Variants in LRRC1 observed in about 807,000 individuals in gnomAD.
The protein encoded by LRRC1 is leucine-rich repeat-containing protein 1.
LRRC1 carries 28 observed loss-of-function variants against 69.9 expected under a neutral mutation model. That is an observed-to-expected ratio of 0.40 (90% confidence interval 0.30 to 0.55). The LOEUF is 0.55. LRRC1 is among the 20% of genes least tolerant of loss of function. The pLI is 0.47. For missense variants in LRRC1, 498 were observed against 609.0 expected (o/e 0.82, Z 1.92); for synonymous variants, 236 against 240.2 (o/e 0.98, Z 0.16).
At chr6:53,919,229 C>CTTTTTTTTT (rs879406589) in intron 11 of LRRC1, 2 of 72,270 alleles carry the variant, frequency 2.8e-5, no homozygotes, top group African/African-American at 1.1e-4. Context: ...TTTTCTCTCT[C>CTTTTTTTTT]TTTTTTTTTT....
chr6:53,865,882 C>T (rs552862922), intron 2 of LRRC1, among the ~76,000 whole-genome samples: 1 of 151,790 alleles, frequency 6.6e-6, no homozygotes, highest in South Asian at 2.1e-4. Context: ...CCACCATGCC[C>T]AGCTAATTTT....
intron 1 of LRRC1, among the ~76,000 whole-genome samples, chr6:53,801,339 T>C (rs1323258957): frequency 1.3e-5 from 2 of 152,278 alleles, no homozygotes; most frequent in Admixed American, 1.3e-4. Context: ...CTTTCTTTTA[T>C]GTGTTTTTAC....
chr6:53,880,307 T>C (rs1235630570), intron 3 of LRRC1, among the ~76,000 whole-genome samples: 1 of 152,156 alleles, frequency 6.6e-6, no homozygotes, highest in Admixed American at 6.5e-5. Flanking sequence ...CCTAATAGCT[T>C]TCTTACTTAT....
intron 10 of LRRC1, among the ~76,000 whole-genome samples, chr6:53,909,504 A>T (rs576423283): frequency 2.1e-4 from 32 of 152,058 alleles, no homozygotes; most frequent in Non-Finnish European, 3.5e-4. Flanking sequence ...GTTAATACTG[A>T]TTATCCCTTT....
At chr6:53,879,917 C>T (rs1054399611) in intron 3 of LRRC1, among the ~76,000 whole-genome samples, 1 of 152,214 alleles carries the variant, frequency 6.6e-6, no homozygotes, top group Non-Finnish European at 1.5e-5. Context: ...ACGTGCAATG[C>T]AGAGATAGCC....
At chr6:53,854,637 G>A (rs1766252054) in intron 2 of LRRC1, among the ~76,000 whole-genome samples, 1 of 151,958 alleles carries the variant, frequency 6.6e-6, no homozygotes, top group African/African-American at 2.4e-5. Context: ...GTAGTGAATT[G>A]GTATTTTGTC....
At chr6:53,895,297 G>T (rs1369373318) in intron 4 of LRRC1, among the ~76,000 whole-genome samples, 1 of 152,218 alleles carries the variant, frequency 6.6e-6, no homozygotes, top group Admixed American at 6.5e-5. Context: ...TGTAAAATTG[G>T]AGAAGGAGAT....
Position 53,920,727 on chromosome 6 carries a change from TGGA to T in LRRC1, c.1386_1388del (p.Glu462del), listed in dbSNP as rs1483141037. On this transcript the variant is annotated inframe_deletion, in exon 13 of 14. Transcript: ENST00000370888. ...AACAGAGTCAGTGCGATCCGATTTGTGGAGGATGAGAAAGATGAAGAAGACAAT... is the reference window on the plus strand; with the variant it reads ...AACAGAGTCAGTGCGATCCGATTTGTGGATGAGAAAGATGAAGAAGACAAT... 4 of 1,614,064 alleles carry T rather than the reference TGGA, an allele frequency of 2.5e-6. No homozygotes were observed. The African/African-American group carries it at 5.3e-5, about 22-fold the overall frequency.
chr6:53,795,464 C>T, intron 1 of LRRC1, 49 bp downstream of exon 1: 1 of 1,557,224 alleles, frequency 6.4e-7, no homozygotes, highest in Admixed American at 1.9e-5. Flanking sequence ...TCTGCTGTCC[C>T]TTCCGCTCCC....
At chr6:53,862,006 G>A (rs1275949904) in intron 2 of LRRC1, among the ~76,000 whole-genome samples, 1 of 152,134 alleles carries the variant, frequency 6.6e-6, no homozygotes, top group African/African-American at 2.4e-5. Context: ...GCTGTTCAGG[G>A]GAGGAAAAGA....
chr6:53,870,000 G>A (rs1211050787), intron 2 of LRRC1, among the ~76,000 whole-genome samples: 9 of 152,204 alleles, frequency 5.9e-5, no homozygotes, highest in Admixed American at 5.9e-4. Flanking sequence ...TAAGGACATG[G>A]ATGTGATGGA....
intron 2 of LRRC1, among the ~76,000 whole-genome samples, chr6:53,859,075 T>G (rs1766411811): frequency 6.6e-6 from 1 of 152,198 alleles, no homozygotes; most frequent in Non-Finnish European, 1.5e-5. Flanking sequence ...AGGAAGATTC[T>G]TGGCTAAGAG....
chr6:53,870,367 C>T (rs1766842617), intron 2 of LRRC1, among the ~76,000 whole-genome samples: 2 of 152,078 alleles, frequency 1.3e-5, no homozygotes, highest in South Asian at 4.2e-4. Flanking sequence ...TTTTGTTTTT[C>T]GTTGATAGAG....
intron 2 of LRRC1, among the ~76,000 whole-genome samples, chr6:53,868,347 G>T (rs535922728): frequency 2.3e-4 from 35 of 151,600 alleles, no homozygotes; most frequent in African/African-American, 8.5e-4. Context: ...TCAGCTTCCC[G>T]AGAAGTAGCT....
intron 2 of LRRC1, among the ~76,000 whole-genome samples, chr6:53,877,921 G>A (rs1048637830): frequency 3.9e-5 from 6 of 152,074 alleles, no homozygotes; most frequent in South Asian, 2.1e-4. Flanking sequence ...CACTCTACTG[G>A]TACCAGTTTA....
intron 9 of LRRC1, among the ~76,000 whole-genome samples, chr6:53,903,750 A>G (rs896699844): frequency 6.6e-6 from 1 of 152,140 alleles, no homozygotes; most frequent in Non-Finnish European, 1.5e-5. Flanking sequence ...GTGTGGTGGG[A>G]GTTACCAAAT....
intron 10 of LRRC1, 113 bp downstream of exon 10, chr6:53,904,575 G>A: frequency 1.5e-6 from 1 of 660,650 alleles, no homozygotes; most frequent in Non-Finnish European, 2.5e-6. Context: ...TTTTTTAAAG[G>A]TGTGAACTCT....
At chr6:53,883,676 A>G (rs1341551196) in intron 4 of LRRC1, among the ~76,000 whole-genome samples, 1 of 152,256 alleles carries the variant, frequency 6.6e-6, no homozygotes, top group Non-Finnish European at 1.5e-5. Flanking sequence ...AGGTTAAATC[A>G]GGTTGATGCA....
At chr6:53,892,454 C>G (rs1431859940) in intron 4 of LRRC1, among the ~76,000 whole-genome samples, 2 of 152,186 alleles carry the variant, frequency 1.3e-5, no homozygotes, top group African/African-American at 4.8e-5. Flanking sequence ...GGGTCTCCCT[C>G]TGTCTCTCTT....
Sources: gnomAD v4.1 joint callset for allele counts (sites outside exome capture counted in the v4.1 genomes callset) on GRCh38, gnomAD v4.1.1 for gene constraint, MANE v1.5 for transcripts, NCBI Gene and HGNC (gene_info 2026-07-23, HGNC 2026-07-21) for gene names.